HDAC8: variants seen among roughly 807,000 people sequenced by gnomAD.
HDAC8 encodes histone deacetylase-like 1.
HDAC8 carries 1 observed loss-of-function variant against 32.2 expected under a neutral mutation model. The observed-to-expected ratio is 0.03, with a 90% CI of 0.01 to 0.15. The LOEUF is 0.15. Ranked by LOEUF, HDAC8 falls within the 10% of genes least tolerant of loss-of-function variation. The pLI is 1.00. For missense variants in HDAC8, 117 were observed against 300.0 expected, an observed-to-expected ratio of 0.39 and a Z score of 4.51; for synonymous variants, 108 against 113.9, an observed-to-expected ratio of 0.95 and a Z score of 0.33.
At chrX:72,358,134 C>A (rs1205735854) in intron 9 of HDAC8, among the ~76,000 whole-genome samples, 2 of 110,432 alleles carry the variant, frequency 1.8e-5, no homozygotes, top group Non-Finnish European at 3.8e-5. Context: ...CTCGCCTGGT[C>A]TCCAACTCCT....
intron 4 of HDAC8, among the ~76,000 whole-genome samples, chrX:72,553,460 C>T (rs1030502180): frequency 8.0e-5 from 9 of 111,964 alleles, no homozygotes; most frequent in African/African-American, 2.6e-4. Flanking sequence ...TTTTTGGCTA[C>T]TATAAGTAAC....
chrX:72,553,890 A>T (rs868912152), intron 4 of HDAC8, among the ~76,000 whole-genome samples: 1 of 112,492 alleles, frequency 8.9e-6, no homozygotes, highest in African/African-American at 3.2e-5. Context: ...TCAAGGGCTA[A>T]CTGCTAATAT....
chrX:72,471,046 CACT>C (rs1415042175), intron 7 of HDAC8, among the ~76,000 whole-genome samples: 2 of 111,757 alleles, frequency 1.8e-5, no homozygotes, highest in East Asian at 5.6e-4. Flanking sequence ...CCCTGGCAAC[CACT>C]AATATACTTT....
chrX:72,402,444 A>G (rs2045931979), intron 9 of HDAC8, among the ~76,000 whole-genome samples: 1 of 101,882 alleles, frequency 9.8e-6, no homozygotes, highest in African/African-American at 3.6e-5. Flanking sequence ...TTCTTAAAGT[A>G]GAAAGTTATC....
At chrX:72,482,993 A>G (rs1275619098) in intron 7 of HDAC8, among the ~76,000 whole-genome samples, 3 of 111,870 alleles carry the variant, frequency 2.7e-5, no homozygotes, top group Non-Finnish European at 5.6e-5. Flanking sequence ...GTTAAGCTCC[A>G]GGGTGCAGGA....
chrX:72,544,815 CCCT>C (rs1194124190), intron 4 of HDAC8, among the ~76,000 whole-genome samples: 9 of 111,789 alleles, frequency 8.1e-5, no homozygotes, highest in African/African-American at 2.9e-4. Flanking sequence ...AGGAAGAACT[CCCT>C]CCTTTTTATT....
chrX:72,472,258 G>A (rs1182949611), intron 7 of HDAC8, among the ~76,000 whole-genome samples: 1 of 108,377 alleles, frequency 9.2e-6, no homozygotes, highest in East Asian at 2.9e-4. Context: ...TAGTAGAGAC[G>A]GGGTTTCACC....
At chrX:72,459,261 G>A (rs1170480783) in intron 9 of HDAC8, among the ~76,000 whole-genome samples, 1 of 111,037 alleles carries the variant, frequency 9.0e-6, no homozygotes, top group Non-Finnish European at 1.9e-5. Context: ...AAATAGTAGG[G>A]GCCCAACACA....
intron 7 of HDAC8, chrX:72,467,004 T>C (rs1169718891): frequency 1.8e-5 from 2 of 111,958 alleles, no homozygotes; most frequent in African/African-American, 6.5e-5. Flanking sequence ...ATATTACATT[T>C]GCAAAATAAT....
chrX:72,426,896 TAAG>T (rs2147939436), intron 9 of HDAC8, among the ~76,000 whole-genome samples: 1 of 109,876 alleles, frequency 9.1e-6, no homozygotes, highest in African/African-American at 3.3e-5. Context: ...GGTGGCCTTA[TAAG>T]AAGAGGAAGA....
At chrX:72,376,128 T>C (rs1429595299) in intron 9 of HDAC8, among the ~76,000 whole-genome samples, 3 of 110,907 alleles carry the variant, frequency 2.7e-5, no homozygotes, top group Non-Finnish European at 5.7e-5. Flanking sequence ...AGGCTAGTCT[T>C]GAACTCCTGA....
intron 4 of HDAC8, among the ~76,000 whole-genome samples, chrX:72,524,582 G>A (rs2050079514): frequency 9.0e-6 from 1 of 111,538 alleles, no homozygotes; most frequent in African/African-American, 3.3e-5. Context: ...AACAGTCTAT[G>A]GAGATACTGG....
chrX:72,466,513 C>G (rs1353071742), intron 7 of HDAC8, among the ~76,000 whole-genome samples: 2 of 112,116 alleles, frequency 1.8e-5, no homozygotes, highest in Admixed American at 1.9e-4. Flanking sequence ...AAGATGAGAA[C>G]TACACTGAGC....
At chrX:72,532,351 C>T (rs1033744677) in intron 4 of HDAC8, among the ~76,000 whole-genome samples, 5 of 104,226 alleles carry the variant, frequency 4.8e-5, no homozygotes, top group East Asian at 3.0e-4. Context: ...ACCTTGTCCT[C>T]CCAAAGTGTT....
chrX:72,366,924 C>T (rs11094258), intron 9 of HDAC8, among the ~76,000 whole-genome samples: 9,698 of 111,496 alleles, frequency 0.087, 502 homozygotes, highest in African/African-American at 0.19. Flanking sequence ...CCATTCACTT[C>T]CCAAAACCCA....
chrX:72,464,965 A>G lies in HDAC8; in HGVS notation c.738-234T>C, dbSNP rs575331874. ...CCCTCTACTTCCACGCTCATCAATG[A>G]ACACATCTGCCCTTCTGTTTTAAAA... On this transcript the variant is annotated intron_variant, in intron 7 of 10. Transcript: ENST00000373573. Among the ~76,000 whole-genome samples the G allele has an allele frequency of 3.1e-4, 35 of 112,267 alleles. No homozygotes were observed. The South Asian group carries it at 0.012, about 37-fold the overall frequency.
chrX:72,489,250 T>A (rs782556034), intron 6 of HDAC8: 1 of 497,529 alleles, frequency 2.0e-6, no homozygotes, highest in Admixed American at 2.5e-5. Context: ...AATGAAAAAA[T>A]AAGAGATTAA....
chrX:72,436,956 A>T (rs1166672003), intron 9 of HDAC8, among the ~76,000 whole-genome samples: 6 of 112,334 alleles, frequency 5.3e-5, no homozygotes, highest in African/African-American at 1.9e-4. Context: ...ACTTAAGAAT[A>T]CTATAGATAA....
intron 9 of HDAC8, among the ~76,000 whole-genome samples, chrX:72,415,907 C>A (rs782167355): frequency 9.0e-6 from 1 of 111,612 alleles, no homozygotes; most frequent in East Asian, 2.8e-4. Context: ...AGTTTTATTT[C>A]TTCCGTTCTG....
Sources: allele counts gnomAD v4.1 joint callset (sites outside exome capture counted in the v4.1 genomes callset), GRCh38; gene constraint gnomAD v4.1.1; transcripts MANE v1.5; gene names NCBI Gene and HGNC (gene_info 2026-07-23, HGNC 2026-07-21).